Variants in ACSL1 observed in about 807,000 individuals in gnomAD.
ACSL1 encodes the protein acyl-CoA synthetase long chain family member 1, also known as long-chain-fatty-acid--CoA ligase 1.
A neutral mutation model predicts 98.4 loss-of-function variants in ACSL1; 41 were observed. That is an observed-to-expected ratio of 0.42 (90% confidence interval 0.32 to 0.54). ACSL1 has a LOEUF of 0.54. Ranked by LOEUF, ACSL1 falls within the 20% of genes least tolerant of loss-of-function variation. The pLI is 0.13. For missense variants in ACSL1, 734 were observed against 883.1 expected (o/e 0.83, Z 2.14); for synonymous variants, 316 against 322.7 (o/e 0.98, Z 0.22).
chr4:184,802,105 A>G (rs957455535), intron 2 of ACSL1, among the ~76,000 whole-genome samples: 1 of 152,260 alleles, frequency 6.6e-6, no homozygotes, highest in Non-Finnish European at 1.5e-5. Context: ...GAGGTGAAAT[A>G]TTAAGGTACC....
chr4:184,789,341 TG>T (rs1767953626), intron 2 of ACSL1, among the ~76,000 whole-genome samples: 1 of 152,222 alleles, frequency 6.6e-6, no homozygotes, highest in Admixed American at 6.5e-5. Context: ...CTCAAGCCAC[TG>T]CCATCCACAG....
intron 7 of ACSL1, among the ~76,000 whole-genome samples, chr4:184,774,166 C>T (rs944078845): frequency 4.6e-5 from 7 of 152,032 alleles, no homozygotes; most frequent in East Asian, 1.9e-4. Flanking sequence ...AAACAGCAGC[C>T]AAAGTCTTTA....
rs190719523 is a variant in ACSL1 at position 184,814,209 on chromosome 4, T to C, written c.-32-10663A>G. The stretch of plus-strand genomic sequence containing the variant: ...GGGAGGCTGAGGCAGGAGAATGGCA[T>C]GAACCCGGGAGGCGGAGCTTGCAGT... On this transcript the variant is annotated intron_variant, in intron 1 of 20. Transcript: ENST00000281455. 2.7e-4 allele frequency among the ~76,000 whole-genome samples: 38 copies of C among 143,342 alleles called. No individual in the cohort carries two copies. The East Asian group carries it at 6.1e-3, about 23-fold the overall frequency. The allele number at this position is 143,342 out of a possible 152,430, so 94.0% of individuals were successfully genotyped here.
At chr4:184,782,618 T>C (rs1031735777) in intron 4 of ACSL1, among the ~76,000 whole-genome samples, 2 of 152,084 alleles carry the variant, frequency 1.3e-5, no homozygotes, top group African/African-American at 4.8e-5. Flanking sequence ...CTTGTGAAAA[T>C]GAGGGATCCT....
rs754252150 is a variant in ACSL1, at chr4:184,765,874, C to A, written c.1359+17G>T. On this transcript the variant is annotated intron_variant, in intron 14 of 20. Transcript: ENST00000281455. ...ATCCTAGTGTGGGAGAATCAGGCGC[C>A]GTGACATCCACCTCACCTGACAGCC... 5 of 1,608,042 alleles carry A rather than the reference C, an allele frequency of 3.1e-6. No homozygotes were observed. In the East Asian group the frequency reaches 1.1e-4, roughly 36 times the overall value.
chr4:184,780,092 G>C (rs1233300489), intron 5 of ACSL1, among the ~76,000 whole-genome samples: 1 of 152,076 alleles, frequency 6.6e-6, no homozygotes, highest in Admixed American at 6.5e-5. Context: ...GGCTGGTCTG[G>C]AACTCCCGAC....
chr4:184,762,243 C>T (rs192647781), intron 17 of ACSL1, among the ~76,000 whole-genome samples, 164 bp downstream of exon 17: 1 of 146,158 alleles, frequency 6.8e-6, no homozygotes, highest in African/African-American at 2.6e-5. Context: ...GTAACCCTGT[C>T]CCCTGCAGGA....
intron 1 of ACSL1, chr4:184,815,156 G>C (rs1212344189): frequency 2.2e-6 from 1 of 454,838 alleles, no homozygotes; most frequent in Non-Finnish European, 4.4e-6. Context: ...GCATGCACCA[G>C]GCATCCGAGG....
chr4:184,781,526 T>C (rs1216395899), intron 4 of ACSL1, among the ~76,000 whole-genome samples: 3 of 152,182 alleles, frequency 2.0e-5, no homozygotes, highest in African/African-American at 4.8e-5. Flanking sequence ...CCTCTCCCTG[T>C]TCCTACCCCA....
intron 18 of ACSL1, among the ~76,000 whole-genome samples, chr4:184,759,573 A>T (rs962481589): frequency 6.6e-6 from 1 of 152,238 alleles, no homozygotes; most frequent in Non-Finnish European, 1.5e-5. Context: ...GCCAAAAGAC[A>T]CATGAAAAAA....
At chr4:184,824,781 C>CA (rs1773332730) in intron 1 of ACSL1, among the ~76,000 whole-genome samples, 3 of 152,246 alleles carry the variant, frequency 2.0e-5, no homozygotes, top group Middle Eastern at 6.8e-3. Context: ...ACCTACAACT[C>CA]AAACTTTAAG....
intron 1 of ACSL1, chr4:184,812,270 C>T: frequency 1.0e-6 from 1 of 978,692 alleles, no homozygotes; most frequent in South Asian, 4.7e-5. Context: ...GAGCCAAGGA[C>T]AGGTGCTTAA....
chr4:184,811,563 T>C (rs1310463313), intron 1 of ACSL1, among the ~76,000 whole-genome samples: 2 of 151,882 alleles, frequency 1.3e-5, no homozygotes, highest in African/African-American at 2.4e-5. Context: ...AAAGGACAAA[T>C]ACTACATGAT....
intron 5 of ACSL1, among the ~76,000 whole-genome samples, chr4:184,777,747 G>C (rs1765530354): frequency 1.3e-5 from 2 of 152,044 alleles, no homozygotes; most frequent in South Asian, 4.1e-4. Flanking sequence ...CTACTGGGAG[G>C]GTGTAACTGA....
At chr4:184,788,118 C>G (rs544022505) in intron 3 of ACSL1, among the ~76,000 whole-genome samples, 1 of 152,262 alleles carries the variant, frequency 6.6e-6, no homozygotes, top group East Asian at 1.9e-4. Flanking sequence ...CTGGGAGGGA[C>G]AGAGGCTGGA....
In ACSL1 at chr4:184,774,528, C is replaced by A. The variant is rs574814004; in HGVS notation, c.757-653G>T. Among the ~76,000 whole-genome samples the A allele has an allele frequency of 7.2e-5, 11 of 152,220 alleles. No individual in the cohort carries two copies. In the East Asian group the frequency reaches 1.3e-3, roughly 19 times the overall value. On this transcript the variant is annotated intron_variant, in intron 7 of 20. Coordinates refer to ENST00000281455, the MANE Select transcript of ACSL1 (RefSeq NM_001995.5). ...AAGGTTAAGAATGACAGAAGCATTG[C>A]GCGGGGACAGCATTTCCCAGCGGCA...
chr4:184,821,985 T>C (rs535918620), intron 1 of ACSL1, among the ~76,000 whole-genome samples: 1 of 152,344 alleles, frequency 6.6e-6, no homozygotes, highest in South Asian at 2.1e-4. Context: ...CCAGTAAGTA[T>C]GTATGACTCT....
At chr4:184,792,699 A>T (rs1768608578) in intron 2 of ACSL1, among the ~76,000 whole-genome samples, 1 of 152,190 alleles carries the variant, frequency 6.6e-6, no homozygotes, top group Non-Finnish European at 1.5e-5. Flanking sequence ...TAGGCCTCCC[A>T]AAGTATTGGG....
At chr4:184,782,651 AACT>A (rs1164016528) in intron 4 of ACSL1, among the ~76,000 whole-genome samples, 1 of 152,216 alleles carries the variant, frequency 6.6e-6, no homozygotes, top group East Asian at 1.9e-4. Flanking sequence ...TTGTGCAAGA[AACT>A]ACTATTTGGC....
Sources: gnomAD v4.1 joint callset for allele counts (sites outside exome capture counted in the v4.1 genomes callset) on GRCh38, gnomAD v4.1.1 for gene constraint, MANE v1.5 for transcripts, NCBI Gene and HGNC (gene_info 2026-07-23, HGNC 2026-07-21) for gene names.